The following MCM5 variants were observed in gnomAD, a reference collection of about 807,000 sequenced individuals.
MCM5 encodes minichromosome maintenance complex component 5.
MCM5 carries 46 observed loss-of-function variants against 79.9 expected under a neutral mutation model. That is an observed-to-expected ratio of 0.58 (90% CI 0.45 to 0.74). The LOEUF is 0.74. MCM5 is among the 30% of genes least tolerant of loss of function. MCM5 has a pLI of 0.00. For missense variants in MCM5, 883 were observed against 1,017.0 expected (o/e 0.87, Z 1.79); for synonymous variants, 404 against 390.5 (o/e 1.03, Z -0.41).
In MCM5 at chr22:35,416,359, G is replaced by A. The variant is rs767949473; in HGVS notation, c.1368G>A (p.Val456=). The change falls in exon 11 of 17, where the codon GTG becomes GTA. Residue 456 remains valine, a synonymous_variant. Coordinates refer to ENST00000216122, the MANE Select transcript of MCM5 (RefSeq NM_006739.4). ...CTTAGATGCGAGAAGATGACCGTGTGGCAATCCACGAAGCCATGGAGCAGC... is the reference window on the plus strand; with the variant it reads ...CTTAGATGCGAGAAGATGACCGTGTAGCAATCCACGAAGCCATGGAGCAGC... The part of the protein sequence containing the change: ...EFDKMREDDR[V]AIHEAMEQQT... The A allele has an allele frequency of 6.2e-7, 1 of 1,613,954 alleles. No homozygotes were observed. The highest frequency in any genetic ancestry group is 8.5e-7 in the Non-Finnish European group (1 of 1,180,008).
At chr22:35,401,888 G>A (rs145893581) in intron 2 of MCM5, 2 of 363,418 alleles carry the variant, frequency 5.5e-6, no homozygotes, top group African/African-American at 4.3e-5. Context: ...AGAGTTGCAG[G>A]TGTAGAAAGC....
At chr22:35,451,514 T>C in the MCM5 span, among the ~76,000 whole-genome samples, 1 of 152,208 alleles carries the variant, frequency 6.6e-6, no homozygotes. Flanking sequence ...GTTCTCTGAC[T>C]CATGACAAGC....
intron 4 of MCM5, among the ~76,000 whole-genome samples, chr22:35,405,609 C>T (rs1050122617): frequency 6.6e-5 from 10 of 152,064 alleles, no homozygotes; most frequent in South Asian, 2.1e-4. Flanking sequence ...TCAAGTGATC[C>T]GTCCGCCTCG....
At chr22:35,426,524 T>C (rs1003398428), downstream of MCM5, among the ~76,000 whole-genome samples, 6 of 152,176 alleles carry the variant, frequency 3.9e-5, no homozygotes, top group South Asian at 2.1e-4. Context: ...TTCTCAGATC[T>C]GTCCCTACCC....
In MCM5 at chr22:35,403,520, C is replaced by G. The variant is rs1932122877; in HGVS notation, c.401C>G (p.Pro134Arg). 1.2e-6 allele frequency: 2 copies of G among 1,613,890 alleles called. No homozygotes were observed. The highest frequency in any genetic ancestry group is 1.7e-5 in the Admixed American group (1 of 59,998). ...IQVMLKSDAS[P>R]SSIRSLKSDM... is the part of the protein sequence containing the mutation. ...GTCATGCTCAAGTCGGACGCCAGCC[C>G]TTCCAGCATTCGTAGCCTGAAGGTG... Residue 134 changes from proline to arginine, a missense_variant, in exon 4 of 17, where the codon CCT becomes CGT. Coordinates refer to ENST00000216122, the MANE Select transcript of MCM5 (RefSeq NM_006739.4).
At chr22:35,449,038 G>A in the MCM5 span, among the ~76,000 whole-genome samples, 18 of 152,302 alleles carry the variant, frequency 1.2e-4, no homozygotes, top group African/African-American at 4.3e-4. Flanking sequence ...TGCCTCTGGT[G>A]GGAGATGAGG....
downstream of MCM5, among the ~76,000 whole-genome samples, chr22:35,428,187 A>G (rs894389094): frequency 6.6e-6 from 1 of 151,414 alleles, no homozygotes; most frequent in Non-Finnish European, 1.5e-5. Context: ...CACCCAGCTA[A>G]TTTTTTGTAT....
chr22:35,450,689 C>T, the MCM5 span, among the ~76,000 whole-genome samples: 1 of 152,198 alleles, frequency 6.6e-6, no homozygotes, highest in African/African-American at 2.4e-5. Context: ...GTCCCCACGG[C>T]AACACGTTGA....
the MCM5 span, among the ~76,000 whole-genome samples, chr22:35,443,257 G>C: frequency 6.6e-6 from 1 of 152,170 alleles, no homozygotes; most frequent in African/African-American, 2.4e-5. Context: ...CGTGATCTCA[G>C]CTCACTGCAA....
rs752651270 is a variant in MCM5, at chr22:35,416,409, G to C, written c.1413+5G>C. ...CAGACCATCTCTATCGCCAAGGTGA[G>C]TGGCCCTCCATGGAGAGCCCAGCCT... is the stretch of plus-strand genomic sequence containing the variant. On this transcript the variant is annotated splice_donor_5th_base_variant and intron_variant, in intron 11 of 16. Transcript: ENST00000216122. 90 of 1,612,148 alleles carry C rather than the reference G, an allele frequency of 5.6e-5. No individual in the cohort carries two copies. The South Asian group carries it at 7.6e-4, about 14-fold the overall frequency.
At chr22:35,435,349 A>G in the MCM5 span, among the ~76,000 whole-genome samples, 1 of 152,020 alleles carries the variant, frequency 6.6e-6, no homozygotes, top group Admixed American at 6.5e-5. Context: ...GCTGTCTCTC[A>G]GGGCCGCGGT....
chr22:35,417,204 C>A (rs1932569421), intron 12 of MCM5, among the ~76,000 whole-genome samples: 1 of 152,162 alleles, frequency 6.6e-6, no homozygotes. Flanking sequence ...CGGCTTAAGG[C>A]CCAGGTAGAT....
chr22:35,419,034 A>G (rs1479199251), intron 13 of MCM5, among the ~76,000 whole-genome samples: 1 of 152,174 alleles, frequency 6.6e-6, no homozygotes, highest in Non-Finnish European at 1.5e-5. Context: ...GGCTCTTTGA[A>G]TGCACTACCA....
At chr22:35,452,794 G>A in the MCM5 span, among the ~76,000 whole-genome samples, 2 of 152,166 alleles carry the variant, frequency 1.3e-5, no homozygotes, top group Non-Finnish European at 2.9e-5. Flanking sequence ...AGATAGTTCT[G>A]CCACTTGTAC....
At chr22:35,411,903 C>T (rs1932393052) in intron 7 of MCM5, among the ~76,000 whole-genome samples, 1 of 152,198 alleles carries the variant, frequency 6.6e-6, no homozygotes. Context: ...CTTTCCCCAC[C>T]CTCAGACTGG....
At chr22:35,415,171 C>G (rs536968667) in intron 9 of MCM5, among the ~76,000 whole-genome samples, 19 of 152,016 alleles carry the variant, frequency 1.2e-4, no homozygotes. Context: ...CCAGCTTGGG[C>G]AACATAGCAA....
Position 35,424,568 on chromosome 22 carries a change from G to A in MCM5, c.*313G>A, listed in dbSNP as rs930738147. 3 of 253,448 alleles carry A rather than the reference G, an allele frequency of 1.2e-5. No individual in the cohort carries two copies. Among genetic ancestry groups the A allele is most frequent in the Non-Finnish European group, 1.5e-5 (2 of 132,880 alleles). The allele number at this position is 253,448 out of a possible 1,614,324, so 15.7% of individuals were successfully genotyped here. A position where few individuals can be genotyped will look rare whatever the true frequency, so the allele number is the denominator to read the frequency against. On this transcript the variant is annotated 3_prime_UTR_variant, in exon 17 of 17. Transcript: ENST00000216122. Reference sequence around the variant, plus strand: ...TGCCCTCATGGCAGGGTAAGTGTGAGGGAACAGGGTCTGGAGGCAGACTGG... The same window carrying A: ...TGCCCTCATGGCAGGGTAAGTGTGAAGGAACAGGGTCTGGAGGCAGACTGG...
chr22:35,417,059 T>G (rs1381404706), intron 12 of MCM5, among the ~76,000 whole-genome samples: 1 of 152,174 alleles, frequency 6.6e-6, no homozygotes, highest in Non-Finnish European at 1.5e-5. Context: ...GCTAAATCAG[T>G]TTCTCCCTGG....
chr22:35,406,303 CCCCCAATTGTGCTG>C (rs1569064500), intron 4 of MCM5, among the ~76,000 whole-genome samples: 2 of 143,132 alleles, frequency 1.4e-5, no homozygotes, highest in Non-Finnish European at 3.1e-5. Context: ...GCCACCTCCC[CCCCCAATTGTGCTG>C]CGAGGTCTTT....
Sources: gnomAD v4.1 joint callset for allele counts (sites outside exome capture counted in the v4.1 genomes callset) on GRCh38, gnomAD v4.1.1 for gene constraint, MANE v1.5 for transcripts, NCBI Gene and HGNC (gene_info 2026-07-23, HGNC 2026-07-21) for gene names.